Variants in ZNG1A observed in about 807,000 individuals in gnomAD.
ZNG1A encodes the protein zinc-regulated GTPase metalloprotein activator 1A.
the ZNG1A span, among the ~76,000 whole-genome samples, chr9:175,374 C>T: frequency 1.3e-5 from 2 of 149,096 alleles, no homozygotes; most frequent in South Asian, 4.3e-4. Context: ...GAGACTCCAT[C>T]TCAAAAAAAA....
At chr9:141,597 G>A in the ZNG1A span, among the ~76,000 whole-genome samples, 639 of 139,592 alleles carry the variant, frequency 4.6e-3, no homozygotes, top group East Asian at 0.021. Context: ...ATGCCAAAAT[G>A]TAAAGACCAT....
the ZNG1A span, among the ~76,000 whole-genome samples, chr9:143,108 C>T: frequency 6.3e-5 from 9 of 143,446 alleles, no homozygotes; most frequent in Non-Finnish European, 1.1e-4. Context: ...TGAATTCTAC[C>T]AGAGGTACAA....
the ZNG1A span, among the ~76,000 whole-genome samples, chr9:163,378 C>G: frequency 6.6e-6 from 1 of 151,074 alleles, no homozygotes; most frequent in Non-Finnish European, 1.5e-5. Flanking sequence ...ATATTAAGGG[C>G]ATAAATCAAA....
the ZNG1A span, chr9:121,506 C>A: frequency 6.2e-7 from 1 of 1,611,482 alleles, no homozygotes; most frequent in Non-Finnish European, 8.5e-7. Context: ...GTGTTGTCCA[C>A]TGCTTTTCTG....
chr9:156,923 A>G, the ZNG1A span, among the ~76,000 whole-genome samples: 2 of 151,648 alleles, frequency 1.3e-5, no homozygotes, highest in African/African-American at 4.9e-5. Flanking sequence ...TATTTTTAAA[A>G]AAGGATAACC....
the ZNG1A span, chr9:166,733 T>C: frequency 0.054 from 8,176 of 152,210 alleles, 228 homozygotes; most frequent in African/African-American, 0.095. Context: ...ACACAATGAC[T>C]TAACCAATTA....
At chr9:139,394 G>A in the ZNG1A span, among the ~76,000 whole-genome samples, 2 of 148,726 alleles carry the variant, frequency 1.3e-5, no homozygotes, top group Non-Finnish European at 3.0e-5. Context: ...TATTCAAGGG[G>A]TATAAAGCTT....
chr9:174,701 C>G, the ZNG1A span, among the ~76,000 whole-genome samples: 1 of 150,828 alleles, frequency 6.6e-6, no homozygotes, highest in South Asian at 2.1e-4. Context: ...AGCTCTTTTA[C>G]TTTTTACAAC....
the ZNG1A span, among the ~76,000 whole-genome samples, chr9:145,871 C>T: frequency 5.9e-5 from 9 of 151,668 alleles, no homozygotes; most frequent in Middle Eastern, 6.8e-3. Flanking sequence ...TAACGATTAG[C>T]CTCTAAAGTT....
chr9:153,362 AACTT>A, the ZNG1A span: 1 of 146,104 alleles, frequency 6.8e-6, no homozygotes, highest in South Asian at 2.3e-4. Flanking sequence ...CTATACCTTG[AACTT>A]ACTATGTAAG....
At chr9:168,488 G>A in the ZNG1A span, among the ~76,000 whole-genome samples, 8 of 150,798 alleles carry the variant, frequency 5.3e-5, no homozygotes, top group African/African-American at 7.4e-5. Context: ...TCCTGAACTC[G>A]TGAACTGCCC....
chr9:160,252 A>G, the ZNG1A span: 1 of 450,134 alleles, frequency 2.2e-6, no homozygotes, highest in South Asian at 1.6e-5. Flanking sequence ...GCCACAGGGT[A>G]CCATTTCTCA....
At chr9:144,539 A>C in the ZNG1A span, among the ~76,000 whole-genome samples, 1 of 152,142 alleles carries the variant, frequency 6.6e-6, no homozygotes, top group Admixed American at 6.5e-5. Flanking sequence ...TTATACAAAA[A>C]TCAATTCAAC....
At chr9:137,067 G>GA in the ZNG1A span, among the ~76,000 whole-genome samples, 82,665 of 131,092 alleles carry the variant, frequency 0.63, 26,763 homozygotes, top group East Asian at 0.75. Context: ...AAATAAATAT[G>GA]AAAAAAAGAA....
At chr9:127,806 G>A in the ZNG1A span, among the ~76,000 whole-genome samples, 5 of 152,198 alleles carry the variant, frequency 3.3e-5, no homozygotes, top group African/African-American at 1.2e-4. Context: ...TGATATTTAT[G>A]CTTTAAAGAG....
At chr9:163,580 T>C in the ZNG1A span, among the ~76,000 whole-genome samples, 29 of 152,182 alleles carry the variant, frequency 1.9e-4, no homozygotes, top group Admixed American at 1.8e-3. Flanking sequence ...AGTTATAATA[T>C]GAATGAACAA....
the ZNG1A span, chr9:166,877 C>G: frequency 6.6e-6 from 1 of 151,832 alleles, no homozygotes; most frequent in Non-Finnish European, 1.5e-5. Flanking sequence ...ATACGAACAA[C>G]AAAAGAAAAT....
At chr9:175,145 C>G in the ZNG1A span, among the ~76,000 whole-genome samples, 3 of 152,086 alleles carry the variant, frequency 2.0e-5, no homozygotes, top group African/African-American at 7.2e-5. Context: ...TTTGGGAGGC[C>G]GAGGCGGGTG....
At chr9:152,599 C>T in the ZNG1A span, among the ~76,000 whole-genome samples, 3 of 151,466 alleles carry the variant, frequency 2.0e-5, no homozygotes, top group African/African-American at 7.3e-5. Context: ...AGAATAACCT[C>T]GTCAGTTACC....
Sources: allele counts gnomAD v4.1 joint callset (sites outside exome capture counted in the v4.1 genomes callset), GRCh38; gene constraint gnomAD v4.1.1; transcripts MANE v1.5; gene names NCBI Gene and HGNC (gene_info 2026-07-23, HGNC 2026-07-21).